The following SEZ6L variants were observed in gnomAD, a reference collection of about 807,000 sequenced individuals.
The protein encoded by SEZ6L is seizure related 6 homolog like.
In SEZ6L, 37 loss-of-function variants were observed where a neutral mutation model predicts 106.2. That is an observed-to-expected ratio of 0.35 (90% CI 0.27 to 0.46). SEZ6L has a LOEUF of 0.46. Among genes scored for constraint, SEZ6L ranks in the 20% least tolerant of loss-of-function variants. The pLI is 1.00. For missense variants in SEZ6L, 1,172 were observed against 1,332.8 expected (o/e 0.88, Z 1.88); for synonymous variants, 541 against 570.4 (o/e 0.95, Z 0.73).
chr22:26,228,813 C>G (rs936039778), intron 1 of SEZ6L, among the ~76,000 whole-genome samples: 13 of 152,182 alleles, frequency 8.5e-5, no homozygotes, highest in Non-Finnish European at 1.5e-5. Flanking sequence ...TATTCATTGG[C>G]TGCACCAGAA....
At chr22:26,316,882 A>AGAAAG (rs1569460115) in intron 9 of SEZ6L, among the ~76,000 whole-genome samples, 14 of 74,842 alleles carry the variant, frequency 1.9e-4, no homozygotes, top group Non-Finnish European at 2.6e-4. Flanking sequence ...GAAAGAAAGA[A>AGAAAG]AGAAAGAAAG....
At chr22:26,376,762 A>G (rs1568960323) in intron 15 of SEZ6L, among the ~76,000 whole-genome samples, 1 of 151,888 alleles carries the variant, frequency 6.6e-6, no homozygotes, top group African/African-American at 2.4e-5. Flanking sequence ...AACAAAAGAA[A>G]CCTATGCAAA....
intron 1 of SEZ6L, among the ~76,000 whole-genome samples, chr22:26,221,289 C>G (rs2078462197): frequency 6.6e-6 from 1 of 152,028 alleles, no homozygotes; most frequent in Non-Finnish European, 1.5e-5. Flanking sequence ...TGTAGTGTTC[C>G]TCCAATCTAA....
chr22:26,242,900 C>A (rs1370050160), intron 1 of SEZ6L: 1 of 152,200 alleles, frequency 6.6e-6, no homozygotes, highest in South Asian at 2.1e-4. Context: ...TGGCTTAAAA[C>A]AACAGATATG....
intron 11 of SEZ6L, among the ~76,000 whole-genome samples, chr22:26,350,794 G>C (rs534011401): frequency 4.5e-4 from 68 of 151,896 alleles, no homozygotes; most frequent in East Asian, 1.7e-3. Context: ...GTAGCTGGGA[G>C]TACAGGCGCC....
intron 1 of SEZ6L, among the ~76,000 whole-genome samples, chr22:26,276,579 G>A (rs16981644): frequency 0.059 from 9,055 of 152,306 alleles, 434 homozygotes; most frequent in African/African-American, 0.13. Context: ...TAGCATATAG[G>A]TAATTGAATG....
rs117917851 is a variant in SEZ6L at position 26,310,731 on chromosome 22, G to A, written c.1576G>A (p.Glu526Lys). 1,467 of 1,614,102 alleles carry A rather than the reference G, an allele frequency of 9.1e-4. 9 individuals are homozygous for A. The East Asian group carries it at 0.02, about 22-fold the overall frequency. ...SALLYDSLQT[E>K]SVPFEGLLSE... Reference sequence around the variant, plus strand: ...TCTTCTCTACGACTCCCTTCAAACCGAGAGTGTCCCTTTTGAGGGCCTGCT... The same window carrying A: ...TCTTCTCTACGACTCCCTTCAAACCAAGAGTGTCCCTTTTGAGGGCCTGCT... Residue 526 changes from glutamate to lysine, a missense_variant, in exon 7 of 17, where the codon GAG becomes AAG. Around this residue, in one of 4 missense-constraint regions of SEZ6L, gnomAD observed 534 missense variants for 691.0 expected, o/e 0.77. Transcript: ENST00000248933.
intron 13 of SEZ6L, among the ~76,000 whole-genome samples, chr22:26,368,370 A>G (rs973123203): frequency 6.6e-6 from 1 of 152,250 alleles, no homozygotes; most frequent in Non-Finnish European, 1.5e-5. Flanking sequence ...CAACTGATGA[A>G]TGGATAAACA....
At chr22:26,219,976 AAC>A in intron 1 of SEZ6L, among the ~76,000 whole-genome samples, 1 of 152,350 alleles carries the variant, frequency 6.6e-6, no homozygotes, top group Non-Finnish European at 1.5e-5. Context: ...CTGAAAAAAG[AAC>A]AGTGTCTTTC....
At position 26,365,551 on chromosome 22, in the gene SEZ6L, C is replaced by T. The variant is rs761723587; in HGVS notation, c.2779C>T (p.Leu927=). Residue 927 remains leucine (L), a synonymous_variant, in exon 13 of 17, where the codon CTG becomes TTG. Transcript: ENST00000248933. ...ACAGCCATCCCACTGGAACGGGCCCCTGCCCGTGTGTAAAGGTAAAGAAAC... is the reference window on the plus strand; with the variant it reads ...ACAGCCATCCCACTGGAACGGGCCCTTGCCCGTGTGTAAAGGTAAAGAAAC... ...LGQPSHWNGP[L]PVCKVNQDSF... 3.1e-6 allele frequency: 5 copies of T among 1,613,566 alleles called. No individual in the cohort carries two copies. The African/African-American group carries it at 6.7e-5, about 22-fold the overall frequency.
In SEZ6L at chr22:26,373,497, C is replaced by CG. The variant is rs756328458; in HGVS notation, c.2827+15dup. 11 of 1,440,266 alleles carry CG rather than the reference C, an allele frequency of 7.6e-6. No homozygotes were observed. The highest frequency in any genetic ancestry group is 6.4e-6 in the Non-Finnish European group (7 of 1,086,376). 89.2% of individuals were successfully genotyped at this position (1,440,266 alleles called of 1,614,324 possible). On this transcript the variant is annotated intron_variant, in intron 14 of 16. Transcript: ENST00000248933. ...ATGCTTTAGAAGGTGAGTTCCAGAA[C>CG]GAAAAAAAAAAAAGTTCAATAAATC...
rs1219092259 is a variant in SEZ6L, at chr22:26,169,703, C to T, written c.34C>T (p.Arg12Cys). 3.1e-6 allele frequency: 4 copies of T among 1,310,874 alleles called. No homozygotes were observed. In the Admixed American group the frequency reaches 1.5e-4, roughly 49 times the overall value. The allele number at this position is 1,310,874 out of a possible 1,614,324, so 81.2% of individuals were successfully genotyped here. ...GGCCCGGCCGCCCGCCGCGGGACTC[C>T]GCGGGATCTCGCTGTTCCTCGCTCT... is the stretch of plus-strand genomic sequence containing the variant. ...PAARPPAAGL[R>C]GISLFLALLL... Residue 12 changes from arginine (R) to cysteine (C), a missense_variant, in exon 1 of 17, where the codon CGC (arginine) becomes TGC (cysteine). This residue lies in a region of SEZ6L where 494 missense variants were observed against 445.8 expected (regional missense o/e 1.11). Transcript: ENST00000248933.
chr22:26,236,153 G>A (rs904577276), intron 1 of SEZ6L, among the ~76,000 whole-genome samples: 4 of 152,202 alleles, frequency 2.6e-5, no homozygotes, highest in African/African-American at 9.7e-5. Context: ...GTGGATGCAG[G>A]AAAGTGTTTT....
chr22:26,367,994 T>A lies in SEZ6L; in HGVS notation c.2794+2428T>A, dbSNP rs370791887. Among the ~76,000 whole-genome samples, 6 of 152,364 alleles carry A rather than the reference T, an allele frequency of 3.9e-5. No individual in the cohort carries two copies. The East Asian group carries it at 5.8e-4, about 15-fold the overall frequency. On this transcript the variant is annotated intron_variant, in intron 13 of 16. Coordinates refer to ENST00000248933, the MANE Select transcript of SEZ6L (RefSeq NM_021115.5). ...AAAATTTGGATTCGTTTATCTGGACTTTTGAAGTGCACAATCAGTAATAGT... is the reference window on the plus strand; with the variant it reads ...AAAATTTGGATTCGTTTATCTGGACATTTGAAGTGCACAATCAGTAATAGT...
At position 26,292,616 on chromosome 22, in the gene SEZ6L, T is replaced by C. The variant is rs760566198; in HGVS notation, c.305T>C (p.Leu102Pro). 23 of 1,613,256 alleles carry C rather than the reference T, an allele frequency of 1.4e-5. No individual in the cohort carries two copies. In the South Asian group the frequency reaches 2.4e-4, roughly 17 times the overall value. ...CACGACATCCCAGCCCTGTCACCGC[T>C]GCTTCCAGAGGAGGCCCGCCCCAAG... ...AHHDIPALSP[L>P]LPEEARPKHA... Residue 102 changes from leucine to proline, a missense_variant, in exon 2 of 17, where the codon CTG becomes CCG. Leu to Pro is a moderately conservative substitution (Grantham distance 98, BLOSUM62 -3). This residue lies in a region of SEZ6L where 494 missense variants were observed against 445.8 expected (regional missense o/e 1.11). Coordinates refer to ENST00000248933, the MANE Select transcript of SEZ6L (RefSeq NM_021115.5).
intron 1 of SEZ6L, among the ~76,000 whole-genome samples, chr22:26,206,016 C>T (rs1374544268): frequency 2.0e-5 from 3 of 152,160 alleles, no homozygotes; most frequent in Non-Finnish European, 4.4e-5. Flanking sequence ...AAAGAGCCTG[C>T]AATGTGTCAC....
chr22:26,257,013 G>A (rs2079844241), intron 1 of SEZ6L, among the ~76,000 whole-genome samples: 2 of 152,158 alleles, frequency 1.3e-5, no homozygotes, highest in South Asian at 4.1e-4. Context: ...ACAGGGGTGG[G>A]GAGCAATTTT....
chr22:26,367,388 G>A (rs1670881962), intron 13 of SEZ6L, among the ~76,000 whole-genome samples: 3 of 152,140 alleles, frequency 2.0e-5, no homozygotes, highest in South Asian at 2.1e-4. Flanking sequence ...CTGTTGCACA[G>A]GCTGGAATGC....
At chr22:26,222,994 A>C (rs1189211411) in intron 1 of SEZ6L, among the ~76,000 whole-genome samples, 1 of 152,156 alleles carries the variant, frequency 6.6e-6, no homozygotes, top group Non-Finnish European at 1.5e-5. Context: ...CACAAAAAAA[A>C]AAAAAATTAT....
Sources: allele counts gnomAD v4.1 joint callset (sites outside exome capture counted in the v4.1 genomes callset), GRCh38; gene constraint gnomAD v4.1.1; regional missense constraint gnomAD v4.1.1; transcripts MANE v1.5; gene names NCBI Gene and HGNC (gene_info 2026-07-23, HGNC 2026-07-21).